TANC2: variants seen among roughly 807,000 people sequenced by gnomAD.
The protein encoded by TANC2 is tetratricopeptide repeat, ankyrin repeat and coiled-coil containing 2, also known as protein TANC2.
TANC2 carries 26 observed loss-of-function variants against 210.5 expected under a neutral mutation model. The observed-to-expected ratio is 0.12, with a 90% confidence interval of 0.09 to 0.17. TANC2 has a LOEUF of 0.17. Among genes scored for constraint, TANC2 ranks in the 10% least tolerant of loss-of-function variants. TANC2 has a pLI of 1.00. For synonymous variants in TANC2, 931 were observed against 967.1 expected (o/e 0.96, Z 0.69); for missense variants, 2,129 against 2,608.9 (o/e 0.82, Z 4.01).
intron 4 of TANC2, among the ~76,000 whole-genome samples, chr17:63,106,982 A>G (rs530617441): frequency 5.1e-4 from 78 of 151,552 alleles, no homozygotes; most frequent in Non-Finnish European, 9.8e-4. Flanking sequence ...TTCAGCCACC[A>G]CTAGGGAAAG....
intron 7 of TANC2, among the ~76,000 whole-genome samples, chr17:63,229,287 C>T (rs141947028): frequency 5.9e-5 from 9 of 151,908 alleles, no homozygotes; most frequent in East Asian, 3.9e-4. Context: ...CCAACTTGAT[C>T]GTAGCTAAGT....
At chr17:63,166,201 G>A (rs756024385) in intron 5 of TANC2, among the ~76,000 whole-genome samples, 4 of 152,170 alleles carry the variant, frequency 2.6e-5, no homozygotes, top group Non-Finnish European at 5.9e-5. Flanking sequence ...GAAGATTGTA[G>A]TGTAAGCATT....
At chr17:63,015,211 C>G (rs533053841) in intron 2 of TANC2, among the ~76,000 whole-genome samples, 1 of 151,818 alleles carries the variant, frequency 6.6e-6, no homozygotes, top group African/African-American at 2.4e-5. Flanking sequence ...AGGGAATTAT[C>G]TGTCTTAATT....
intron 11 of TANC2, among the ~76,000 whole-genome samples, chr17:63,321,940 G>C (rs1264467160): frequency 1.3e-5 from 2 of 152,010 alleles, no homozygotes; most frequent in Admixed American, 1.3e-4. Flanking sequence ...CACAGTACCT[G>C]GTGTTTCTAA....
intron 21 of TANC2, among the ~76,000 whole-genome samples, chr17:63,409,805 G>A (rs1205893045): frequency 6.6e-6 from 1 of 152,182 alleles, no homozygotes; most frequent in East Asian, 1.9e-4. Flanking sequence ...CAGTATTTAT[G>A]GTGTACAACA....
intron 4 of TANC2, among the ~76,000 whole-genome samples, chr17:63,123,103 ACTGGCCAG>A (rs1404159820): frequency 6.6e-6 from 1 of 152,206 alleles, no homozygotes; most frequent in African/African-American, 2.4e-5. Flanking sequence ...CAGATTGGTG[ACTGGCCAG>A]CTATAGAGTA....
At chr17:63,043,240 A>G (rs543828026) in intron 2 of TANC2, among the ~76,000 whole-genome samples, 1 of 152,230 alleles carries the variant, frequency 6.6e-6, no homozygotes, top group South Asian at 2.1e-4. Flanking sequence ...GCAAAAGTGT[A>G]AATATGTTAT....
intron 11 of TANC2, among the ~76,000 whole-genome samples, chr17:63,335,478 T>C (rs1041290862): frequency 6.6e-6 from 1 of 152,028 alleles, no homozygotes; most frequent in African/African-American, 2.4e-5. Context: ...CCGGGCATGG[T>C]GGTGTGCACC....
At chr17:63,405,806 G>A (rs1207056354) in intron 20 of TANC2, among the ~76,000 whole-genome samples, 1 of 152,218 alleles carries the variant, frequency 6.6e-6, no homozygotes, top group Non-Finnish European at 1.5e-5. Flanking sequence ...TCAGTTGCAA[G>A]TATTAACTAC....
chr17:63,037,065 AATT>A (rs1192542248), intron 2 of TANC2, among the ~76,000 whole-genome samples: 6 of 152,150 alleles, frequency 3.9e-5, no homozygotes, highest in South Asian at 2.1e-4. Flanking sequence ...AAAATAGAAC[AATT>A]ATTATAACAA....
intron 4 of TANC2, among the ~76,000 whole-genome samples, chr17:63,111,162 A>C (rs2145030724): frequency 6.6e-6 from 1 of 152,228 alleles, no homozygotes. Flanking sequence ...AAATACAAAA[A>C]AAATTAGCTG....
At chr17:63,167,283 A>G (rs921340659) in intron 5 of TANC2, among the ~76,000 whole-genome samples, 44 of 152,222 alleles carry the variant, frequency 2.9e-4, no homozygotes, top group African/African-American at 6.8e-4. Flanking sequence ...CTAAGTAAGT[A>G]AAGGGCTTAG....
chr17:63,238,304 T>G (rs2042678936), intron 8 of TANC2, among the ~76,000 whole-genome samples: 1 of 152,198 alleles, frequency 6.6e-6, no homozygotes, highest in Non-Finnish European at 1.5e-5. Flanking sequence ...TCCCAAAATG[T>G]ACAAAAACAC....
At chr17:63,148,372 A>G (rs1598475374) in intron 4 of TANC2, 1 of 152,216 alleles carries the variant, frequency 6.6e-6, no homozygotes, top group African/African-American at 2.4e-5. Flanking sequence ...GAATTAGTTA[A>G]GCCTCATAAC....
intron 11 of TANC2, among the ~76,000 whole-genome samples, chr17:63,321,075 G>A (rs2045478901): frequency 6.6e-6 from 1 of 152,162 alleles, no homozygotes; most frequent in African/African-American, 2.4e-5. Context: ...GCATGTGCCT[G>A]TAGTCCCAGC....
intron 19 of TANC2, 38 bp from the exon 20 acceptor site, chr17:63,405,084 A>G: frequency 1.9e-6 from 3 of 1,579,044 alleles, no homozygotes; most frequent in South Asian, 2.3e-5. Context: ...GGAGAGGACC[A>G]GAACCACCTA....
chr17:63,112,106 T>C (rs1045009429), intron 4 of TANC2, among the ~76,000 whole-genome samples: 1 of 152,230 alleles, frequency 6.6e-6, no homozygotes, highest in African/African-American at 2.4e-5. Flanking sequence ...TTCTTTTCTC[T>C]ACATTTTTAA....
chr17:63,025,895 A>G (rs544765176), intron 2 of TANC2, among the ~76,000 whole-genome samples: 7 of 152,028 alleles, frequency 4.6e-5, no homozygotes, highest in Non-Finnish European at 8.8e-5. Context: ...TTAGGTACCT[A>G]TGTCCTTCCA....
At chr17:63,352,990 T>C (rs1037221722) in intron 13 of TANC2, among the ~76,000 whole-genome samples, 11 of 152,092 alleles carry the variant, frequency 7.2e-5, no homozygotes, top group Non-Finnish European at 8.8e-5. Context: ...AAAAACAAAA[T>C]AGGGTGGAGG....
Sources: allele counts gnomAD v4.1 joint callset (sites outside exome capture counted in the v4.1 genomes callset), GRCh38; gene constraint gnomAD v4.1.1; transcripts MANE v1.5; gene names NCBI Gene and HGNC (gene_info 2026-07-23, HGNC 2026-07-21).